Variants in TAFA2 observed in about 807,000 individuals in gnomAD.
The protein encoded by TAFA2 is TAFA chemokine like family member 2.
Under a neutral mutation model 18.8 loss-of-function variants are expected in TAFA2, and 7 were observed. The ratio of observed to expected loss-of-function variants is 0.37; its 90% confidence interval spans 0.21 to 0.70. TAFA2 has a LOEUF of 0.70. Among genes scored for constraint, TAFA2 ranks in the 30% least tolerant of loss-of-function variants. The pLI is 0.53. For synonymous variants in TAFA2, 60 were observed against 54.2 expected, an observed-to-expected ratio of 1.11 and a Z score of -0.47; for missense variants, 122 against 158.1, an observed-to-expected ratio of 0.77 and a Z score of 1.23.
At chr12:62,035,781 G>T (rs111686016) in intron 1 of TAFA2, among the ~76,000 whole-genome samples, 14,410 of 117,248 alleles carry the variant, frequency 0.12, 932 homozygotes, top group Middle Eastern at 0.17. Context: ...TCGCTCTGTC[G>T]CCCAGGCTGG....
intron 1 of TAFA2, among the ~76,000 whole-genome samples, chr12:62,098,971 T>G (rs973953922): frequency 2.0e-5 from 3 of 152,164 alleles, no homozygotes; most frequent in Non-Finnish European, 4.4e-5. Flanking sequence ...CTTAATAATC[T>G]AATAAACCAT....
chr12:61,886,336 C>G (rs1875375408), intron 1 of TAFA2, among the ~76,000 whole-genome samples: 1 of 152,124 alleles, frequency 6.6e-6, no homozygotes, highest in South Asian at 2.1e-4. Flanking sequence ...TCTTGGGTAC[C>G]TGTAAAAGAC....
In TAFA2 at chr12:61,853,935, CAAG is replaced by C. The variant is rs148881033; in HGVS notation, c.106+13382_106+13384del. ...CCCTCAGCTCTCCAACAACTTAAGC[CAAG>C]AAGTAAGCTTCTTATGTAAAGAACC... On this transcript the variant is annotated intron_variant, in intron 2 of 4. Transcript: ENST00000416284. 1.1e-4 allele frequency among the ~76,000 whole-genome samples: 16 copies of C among 152,172 alleles called. 1 individual carries two copies. In the East Asian group the frequency reaches 3.1e-3, roughly 29 times the overall value.
At chr12:61,871,937 C>A (rs7965257) in intron 1 of TAFA2, among the ~76,000 whole-genome samples, 124,143 of 151,994 alleles carry the variant, frequency 0.82, 50,926 homozygotes, top group African/African-American at 0.9. Flanking sequence ...CTAAAAATAC[C>A]AAAAATTAGC....
chr12:61,854,126 A>G (rs1301395203), intron 2 of TAFA2, among the ~76,000 whole-genome samples: 1 of 152,234 alleles, frequency 6.6e-6, no homozygotes, highest in African/African-American at 2.4e-5. Context: ...TATAGAAGAC[A>G]GAAGCCAAAA....
intron 2 of TAFA2, among the ~76,000 whole-genome samples, chr12:61,788,959 G>A (rs1870857682): frequency 6.6e-6 from 1 of 151,732 alleles, no homozygotes; most frequent in African/African-American, 2.4e-5. Context: ...CTTCTTTTGA[G>A]AAGCGTTTAT....
intron 4 of TAFA2, among the ~76,000 whole-genome samples, chr12:61,731,345 C>T (rs1019770847): frequency 1.3e-5 from 2 of 152,020 alleles, no homozygotes; most frequent in Non-Finnish European, 2.9e-5. Context: ...TGTGGTGGTT[C>T]TTGAAGCAAA....
At chr12:61,777,737 G>C (rs1483128195) in intron 2 of TAFA2, among the ~76,000 whole-genome samples, 1 of 151,616 alleles carries the variant, frequency 6.6e-6, no homozygotes, top group Non-Finnish European at 1.5e-5. Context: ...AAAAATCAGA[G>C]AAAAATATCT....
intron 1 of TAFA2, among the ~76,000 whole-genome samples, chr12:62,134,879 G>A (rs1014928724): frequency 1.2e-4 from 18 of 151,744 alleles, no homozygotes; most frequent in African/African-American, 2.9e-4. Flanking sequence ...CATTCCCCCT[G>A]CCTGAAGCCT....
chr12:62,233,066 CTTTTT>C (rs34781688), intron 1 of TAFA2, among the ~76,000 whole-genome samples: 3 of 39,574 alleles, frequency 7.6e-5, no homozygotes, highest in Non-Finnish European at 1.4e-4. Context: ...TTCTGCATCT[CTTTTT>C]TTTTTTTTTT....
chr12:62,187,937 G>A (rs1392478276), intron 1 of TAFA2, among the ~76,000 whole-genome samples: 1 of 152,062 alleles, frequency 6.6e-6, no homozygotes, highest in African/African-American at 2.4e-5. Flanking sequence ...TCAAAATAAA[G>A]TTAACCAAAG....
intron 2 of TAFA2, among the ~76,000 whole-genome samples, chr12:61,810,008 T>C (rs190951792): frequency 3.3e-5 from 5 of 151,476 alleles, no homozygotes; most frequent in East Asian, 1.9e-4. Context: ...CAGGGAATCA[T>C]AGGAGTTGTT....
chr12:61,931,358 T>G (rs1877547166), intron 1 of TAFA2, among the ~76,000 whole-genome samples: 1 of 152,232 alleles, frequency 6.6e-6, no homozygotes, highest in African/African-American at 2.4e-5. Context: ...GATGAAAATA[T>G]TGTAATATTC....
intron 1 of TAFA2, among the ~76,000 whole-genome samples, chr12:62,000,463 C>T (rs144036018): frequency 6.2e-5 from 9 of 146,146 alleles, no homozygotes; most frequent in African/African-American, 2.2e-4. Flanking sequence ...AGTTGTTACA[C>T]CAGTATTGGA....
In TAFA2 at chr12:61,817,140, A is replaced by C. The variant is rs1872119507; in HGVS notation, c.106+50180T>G. Among the ~76,000 whole-genome samples, 3 of 146,270 alleles carry C rather than the reference A, an allele frequency of 2.1e-5. No individual in the cohort carries two copies. The South Asian group carries it at 6.2e-4, about 30-fold the overall frequency. ...GTACTGCTATCTTATATGCTACATG[A>C]GGACATCCTGATATAGTGACTGGAA... On this transcript the variant is annotated intron_variant, in intron 2 of 4. Transcript: ENST00000416284.
intron 1 of TAFA2, among the ~76,000 whole-genome samples, chr12:62,024,994 A>G (rs1336705618): frequency 6.6e-6 from 1 of 152,170 alleles, no homozygotes; most frequent in Admixed American, 6.5e-5. Context: ...GAACACACAT[A>G]CACTACTGGT....
At chr12:61,887,907 A>G (rs371942233) in intron 1 of TAFA2, among the ~76,000 whole-genome samples, 2 of 152,110 alleles carry the variant, frequency 1.3e-5, no homozygotes, top group African/African-American at 4.8e-5. Flanking sequence ...GTGTGCATGT[A>G]TCTTTATAGA....
At chr12:61,962,407 A>G (rs866727614) in intron 1 of TAFA2, among the ~76,000 whole-genome samples, 83 of 151,940 alleles carry the variant, frequency 5.5e-4, no homozygotes, top group African/African-American at 1.8e-3. Flanking sequence ...AATTCTGAAA[A>G]ATAAAATCAT....
chr12:62,162,481 C>T (rs2062412972), intron 1 of TAFA2, among the ~76,000 whole-genome samples: 1 of 152,126 alleles, frequency 6.6e-6, no homozygotes, highest in Non-Finnish European at 1.5e-5. Context: ...TTTGCAATCC[C>T]TTAGCAGATT....
Sources: gnomAD v4.1 joint callset for allele counts (sites outside exome capture counted in the v4.1 genomes callset) on GRCh38, gnomAD v4.1.1 for gene constraint, MANE v1.5 for transcripts, NCBI Gene and HGNC (gene_info 2026-07-23, HGNC 2026-07-21) for gene names.